The following HTT variants were observed in gnomAD, a reference collection of about 807,000 sequenced individuals.
The protein encoded by HTT is huntingtin, also known as huntington disease protein.
HTT carries 104 observed loss-of-function variants against 362.3 expected under a neutral mutation model. The ratio of observed to expected loss-of-function variants is 0.29; its 90% CI spans 0.24 to 0.34. HTT has a LOEUF of 0.34. Among genes scored for constraint, HTT ranks in the 10% least tolerant of loss-of-function variants. The pLI is 1.00. For synonymous variants in HTT, 1,577 were observed against 1,548.7 expected, an observed-to-expected ratio of 1.02 and a Z score of -0.43; for missense variants, 3,301 against 3,928.6, an observed-to-expected ratio of 0.84 and a Z score of 4.27.
rs1721787307 is a variant in HTT, at chr4:3,241,227, TAGTG to T, written c.*1170_*1173del. On this transcript the variant is annotated 3_prime_UTR_variant, in exon 67 of 67. Coordinates refer to ENST00000355072, the MANE Select transcript of HTT (RefSeq NM_001388492.1). ...GCAAAGCTTGGTGTCTTGGCACTGT[TAGTG>T]ACAGAGCCCAGCATCCCTTCTGCCC... 6.6e-6 allele frequency: 1 copy of T among 152,466 alleles called. No individual in the cohort carries two copies. The highest frequency in any genetic ancestry group is 1.5e-5 in the Non-Finnish European group (1 of 68,184). 9.4% of individuals were successfully genotyped at this position (152,466 alleles called of 1,614,324 possible).
intron 50 of HTT, among the ~76,000 whole-genome samples, chr4:3,214,843 G>A (rs1471454301): frequency 6.6e-6 from 1 of 152,176 alleles, no homozygotes; most frequent in Non-Finnish European, 1.5e-5. Flanking sequence ...AATAACCTCA[G>A]GGTGAGAGAT....
chr4:3,213,926 T>C (rs751222760), intron 49 of HTT, 32 bp from the exon 50 acceptor site: 4 of 1,486,160 alleles, frequency 2.7e-6, no homozygotes, highest in Non-Finnish European at 1.8e-6. Flanking sequence ...GGTACACGAG[T>C]GGGCATTCTG....
chr4:3,081,550 C>G (rs200873528), intron 1 of HTT, among the ~76,000 whole-genome samples: 1 of 84,526 alleles, frequency 1.2e-5, no homozygotes, highest in Non-Finnish European at 2.3e-5. Context: ...GAAAGCATTT[C>G]TTTTTTTTTT....
chr4:3,152,036 T>G (rs1287884213), intron 26 of HTT, among the ~76,000 whole-genome samples: 1 of 152,152 alleles, frequency 6.6e-6, no homozygotes, highest in Non-Finnish European at 1.5e-5. Flanking sequence ...CAAGTGATCC[T>G]TCTGCCTCAG....
chr4:3,160,159 T>C (rs1372971813), intron 28 of HTT, 123 bp from the exon 29 acceptor site: 2 of 628,794 alleles, frequency 3.2e-6, no homozygotes, highest in African/African-American at 3.6e-5. Context: ...CCCTGCAAGG[T>C]GAGTGTACGG....
intron 29 of HTT, among the ~76,000 whole-genome samples, chr4:3,167,215 G>A (rs1163980161): frequency 1.3e-5 from 2 of 152,186 alleles, no homozygotes; most frequent in African/African-American, 4.8e-5. Flanking sequence ...GGGATTACAG[G>A]CACCTGCCAC....
rs556769324 is a variant in HTT, at chr4:3,196,359, C to T, written c.5369-3373C>T. ...TCATCCTCATCCTCCTGCCGGCTTC[C>T]TGGCCCCTCTTATGTCTGCTTCCTG... On this transcript the variant is annotated intron_variant, in intron 40 of 66. Coordinates refer to ENST00000355072, the MANE Select transcript of HTT (RefSeq NM_001388492.1). 5.9e-5 allele frequency among the ~76,000 whole-genome samples: 9 copies of T among 152,274 alleles called. No homozygotes were observed. The East Asian group carries it at 1.7e-3, about 29-fold the overall frequency.
At chr4:3,170,890 T>C (rs2110229880) in intron 29 of HTT, among the ~76,000 whole-genome samples, 1 of 152,304 alleles carries the variant, frequency 6.6e-6, no homozygotes, top group South Asian at 2.1e-4. Context: ...TGCTCAGTAG[T>C]GGAAGTCTCA....
chr4:3,209,088 G>A (rs189474020), intron 46 of HTT, among the ~76,000 whole-genome samples, 177 bp downstream of exon 46: 2 of 152,350 alleles, frequency 1.3e-5, no homozygotes, highest in Admixed American at 6.5e-5. Flanking sequence ...AGGGAGCCAA[G>A]CAGTGCTGAT....
chr4:3,143,805 G>A, intron 23 of HTT, among the ~76,000 whole-genome samples: 1 of 151,896 alleles, frequency 6.6e-6, no homozygotes, highest in East Asian at 1.9e-4. Context: ...GTTTCTCCAT[G>A]TTGGTCAGGC....
chr4:3,221,045 G>C (rs1169149027), intron 53 of HTT, among the ~76,000 whole-genome samples: 1 of 152,170 alleles, frequency 6.6e-6, no homozygotes, highest in Admixed American at 6.5e-5. Context: ...CTTGTGGTGG[G>C]ACTGTAATCA....
chr4:3,148,449 C>T (rs888004908), intron 26 of HTT, among the ~76,000 whole-genome samples: 7 of 151,958 alleles, frequency 4.6e-5, no homozygotes, highest in Middle Eastern at 3.2e-3. Flanking sequence ...GCCAAGAGTT[C>T]GAGACCAGCC....
At chr4:3,222,529 G>T in intron 54 of HTT, 42 bp downstream of exon 54, 1 of 1,468,776 alleles carries the variant, frequency 6.8e-7, no homozygotes, top group Middle Eastern at 1.9e-4. Flanking sequence ...GGGCAGTTAT[G>T]GCCGCTTGCA....
At chr4:3,129,840 T>A in intron 12 of HTT, 84 bp from the exon 13 acceptor site, 3 of 1,528,576 alleles carry the variant, frequency 2.0e-6, no homozygotes, top group Non-Finnish European at 2.7e-6. Flanking sequence ...AATGTGCTCT[T>A]TCCTCATTGC....
chr4:3,225,561 C>T (rs569358286), intron 56 of HTT, 100 bp from the exon 57 acceptor site: 167 of 1,044,170 alleles, frequency 1.6e-4, no homozygotes, highest in Non-Finnish European at 2.1e-4. Flanking sequence ...AGGTGGCTCA[C>T]GGCTGGGTGC....
chr4:3,092,356 A>G (rs1713559641), intron 2 of HTT, among the ~76,000 whole-genome samples: 1 of 152,174 alleles, frequency 6.6e-6, no homozygotes. Context: ...GTTAACATTC[A>G]TAGATATTTA....
intron 10 of HTT, among the ~76,000 whole-genome samples, chr4:3,125,069 T>G (rs1261711215): frequency 3.3e-5 from 5 of 152,192 alleles, no homozygotes; most frequent in African/African-American, 1.2e-4. Flanking sequence ...TAAGTTCTGA[T>G]TGTTAATCAT....
At chr4:3,160,538 C>T (rs975230397) in intron 29 of HTT, 146 bp downstream of exon 29, 1 of 644,478 alleles carries the variant, frequency 1.6e-6, no homozygotes, top group Non-Finnish European at 2.8e-6. Context: ...TCACAGGACC[C>T]AAGTCTGACT....
intron 29 of HTT, among the ~76,000 whole-genome samples, chr4:3,167,478 T>A (rs1386812253): frequency 6.6e-6 from 1 of 152,032 alleles, no homozygotes; most frequent in African/African-American, 2.4e-5. Flanking sequence ...TGGAAAATAC[T>A]ATATGTTTTA....
Sources: gnomAD v4.1 joint callset for allele counts (sites outside exome capture counted in the v4.1 genomes callset) on GRCh38, gnomAD v4.1.1 for gene constraint, MANE v1.5 for transcripts, NCBI Gene and HGNC (gene_info 2026-07-23, HGNC 2026-07-21) for gene names.